Variants in MIPOL1 observed in about 807,000 individuals in gnomAD.
The protein encoded by MIPOL1 is mirror-image polydactyly gene 1 protein.
Under a neutral mutation model 60.9 loss-of-function variants are expected in MIPOL1, and 57 were observed. The ratio of observed to expected loss-of-function variants is 0.94; its 90% CI spans 0.76 to 1.17. MIPOL1 has a LOEUF of 1.17. Among genes scored for constraint, MIPOL1 ranks in the 50% most tolerant of loss-of-function variants. The pLI is 0.00. For synonymous variants in MIPOL1, 179 were observed against 168.8 expected, an observed-to-expected ratio of 1.06 and a Z score of -0.47; for missense variants, 551 against 511.6, an observed-to-expected ratio of 1.08 and a Z score of -0.74.
chr14:37,370,873 G>T (rs1023177331), intron 10 of MIPOL1, among the ~76,000 whole-genome samples: 9 of 152,108 alleles, frequency 5.9e-5, no homozygotes, highest in African/African-American at 2.2e-4. Flanking sequence ...TTGCAAAATA[G>T]AAAACAGTAT....
intron 12 of MIPOL1, among the ~76,000 whole-genome samples, chr14:37,526,394 G>A (rs1315496913): frequency 1.4e-5 from 2 of 148,018 alleles, no homozygotes; most frequent in African/African-American, 2.5e-5. Context: ...TTTTGAGACG[G>A]AGTCTCGTTC....
At chr14:37,542,522 A>C (rs1449128034) in intron 12 of MIPOL1, among the ~76,000 whole-genome samples, 1 of 152,042 alleles carries the variant, frequency 6.6e-6, no homozygotes, top group African/African-American at 2.4e-5. Context: ...AAACACATCA[A>C]ACTTTTTATA....
At chr14:37,355,774 T>C (rs2091768901) in intron 9 of MIPOL1, among the ~76,000 whole-genome samples, 1 of 150,776 alleles carries the variant, frequency 6.6e-6, no homozygotes, top group Non-Finnish European at 1.5e-5. Flanking sequence ...CTTTAAGCAC[T>C]TCTCTGTATT....
At chr14:37,369,929 C>G (rs1342062695) in intron 10 of MIPOL1, 1 of 159,452 alleles carries the variant, frequency 6.3e-6, no homozygotes, top group African/African-American at 2.4e-5. Flanking sequence ...AGTGACCATA[C>G]TAAAAGAAAA....
At chr14:37,544,004 A>C in intron 12 of MIPOL1, among the ~76,000 whole-genome samples, 1 of 152,242 alleles carries the variant, frequency 6.6e-6, no homozygotes, top group East Asian at 1.9e-4. Flanking sequence ...AAGAAGTAAA[A>C]TAGTTTTGTT....
At chr14:37,265,145 T>C (rs1357419584) in intron 3 of MIPOL1, 1 of 152,230 alleles carries the variant, frequency 6.6e-6, no homozygotes, top group Non-Finnish European at 1.5e-5. Flanking sequence ...CTATTCCTAT[T>C]CTTCCTATTT....
intron 3 of MIPOL1, among the ~76,000 whole-genome samples, chr14:37,255,900 A>G (rs1974839266): frequency 6.6e-6 from 1 of 151,820 alleles, no homozygotes; most frequent in South Asian, 2.1e-4. Flanking sequence ...ACCATTTAGT[A>G]CTATAATATT....
intron 9 of MIPOL1, among the ~76,000 whole-genome samples, chr14:37,331,779 C>G (rs112300098): frequency 1.3e-5 from 2 of 152,212 alleles, no homozygotes; most frequent in Admixed American, 1.3e-4. Flanking sequence ...TGTCAAATTG[C>G]TCTGTCTAGG....
At chr14:37,310,997 G>C (rs1293548677) in intron 9 of MIPOL1, among the ~76,000 whole-genome samples, 2 of 152,130 alleles carry the variant, frequency 1.3e-5, no homozygotes, top group Non-Finnish European at 2.9e-5. Context: ...TCAAAAGCTT[G>C]GGTGGTTTCT....
intron 9 of MIPOL1, among the ~76,000 whole-genome samples, chr14:37,333,985 C>T (rs2089927579): frequency 1.1e-4 from 1 of 9,088 alleles, no homozygotes; most frequent in African/African-American, 1.7e-4. Context: ...AATTTATAGG[C>T]ATATATGTCT....
At chr14:37,255,310 A>T (rs1974753941) in intron 3 of MIPOL1, among the ~76,000 whole-genome samples, 1 of 151,852 alleles carries the variant, frequency 6.6e-6, no homozygotes, top group Non-Finnish European at 1.5e-5. Flanking sequence ...GGATCAATAT[A>T]CATTGGTATG....
intron 9 of MIPOL1, among the ~76,000 whole-genome samples, chr14:37,361,647 G>A (rs1218061267): frequency 9.2e-6 from 1 of 108,688 alleles, no homozygotes; most frequent in Non-Finnish European, 1.7e-5. Flanking sequence ...TGCCTCTCTC[G>A]CAGTCTGAAG....
rs774145734 is a variant in MIPOL1 at position 37,267,176 on chromosome 14, G to T, written c.251+7G>T. ...GCACTACTGAAAAATACAAGTAAGT[G>T]CTCACAGCCTTAGATTTAGAAGGAA... is the stretch of plus-strand genomic sequence containing the variant. On this transcript the variant is annotated splice_region_variant and intron_variant, in intron 4 of 12. Coordinates refer to ENST00000684589, the MANE Select transcript of MIPOL1 (RefSeq NM_001388067.1). 2.6e-5 allele frequency: 42 copies of T among 1,600,272 alleles called. No individual in the cohort carries two copies. The highest frequency in any genetic ancestry group is 3.3e-5 in the Non-Finnish European group (39 of 1,168,648).
At chr14:37,526,706 TACAG>T (rs2095449910) in intron 12 of MIPOL1, among the ~76,000 whole-genome samples, 1 of 152,112 alleles carries the variant, frequency 6.6e-6, no homozygotes, top group Middle Eastern at 3.2e-3. Flanking sequence ...AATCTGCTGT[TACAG>T]ACAGTGCTGT....
chr14:37,501,902 T>C (rs1483560888), intron 12 of MIPOL1: 5 of 152,296 alleles, frequency 3.3e-5, no homozygotes, highest in Non-Finnish European at 5.9e-5. Flanking sequence ...CCAAATACTG[T>C]GCTTTTCCCA....
chr14:37,266,680 A>G (rs781211669), intron 3 of MIPOL1, among the ~76,000 whole-genome samples: 2 of 152,160 alleles, frequency 1.3e-5, no homozygotes, highest in South Asian at 2.1e-4. Context: ...ACTGCCAACT[A>G]TAAAAGCCCC....
chr14:37,503,409 G>A (rs79435424), intron 12 of MIPOL1: 7 of 152,050 alleles, frequency 4.6e-5, no homozygotes, highest in African/African-American at 7.2e-5. Flanking sequence ...TGGATTTCTC[G>A]GCAGAAACCC....
intron 12 of MIPOL1, chr14:37,505,560 A>G (rs1009329858): frequency 3.3e-5 from 5 of 152,174 alleles, no homozygotes; most frequent in Admixed American, 6.5e-5. Context: ...AACAGCCTTT[A>G]TGCTAAAAAC....
intron 7 of MIPOL1, among the ~76,000 whole-genome samples, chr14:37,307,827 A>G (rs1260942204): frequency 6.6e-6 from 1 of 152,086 alleles, no homozygotes; most frequent in African/African-American, 2.4e-5. Context: ...GTAGTCATAT[A>G]TAGCAGTAAA....
Sources: allele counts gnomAD v4.1 joint callset (sites outside exome capture counted in the v4.1 genomes callset), GRCh38; gene constraint gnomAD v4.1.1; transcripts MANE v1.5; gene names NCBI Gene and HGNC (gene_info 2026-07-23, HGNC 2026-07-21).